The following TBCK variants were observed in gnomAD, a reference collection of about 807,000 sequenced individuals.
TBCK encodes TBC1 domain containing kinase.
Under a neutral mutation model 113.4 loss-of-function variants are expected in TBCK, and 99 were observed. That is an observed-to-expected ratio of 0.87 (90% CI 0.74 to 1.03). TBCK has a LOEUF of 1.03. TBCK is among the 50% of genes least tolerant of loss of function. The pLI is 0.00. For missense variants in TBCK, 1,045 were observed against 1,061.3 expected (o/e 0.98, Z 0.21); for synonymous variants, 369 against 370.8 (o/e 1.00, Z 0.05).
At chr4:106,270,024 C>A (rs1014350670) in intron 3 of TBCK, among the ~76,000 whole-genome samples, 4 of 152,074 alleles carry the variant, frequency 2.6e-5, no homozygotes, top group Non-Finnish European at 5.9e-5. Context: ...CAAACAGAAG[C>A]TAAATGGAGA....
chr4:106,292,204 C>T (rs1030218327), intron 3 of TBCK, among the ~76,000 whole-genome samples: 2 of 152,024 alleles, frequency 1.3e-5, no homozygotes, highest in East Asian at 1.9e-4. Flanking sequence ...ACAGAAATGC[C>T]GGCTACCTGA....
intron 2 of TBCK, among the ~76,000 whole-genome samples, chr4:106,300,551 G>A (rs1232030284): frequency 2.0e-5 from 3 of 152,128 alleles, no homozygotes; most frequent in Non-Finnish European, 4.4e-5. Flanking sequence ...ATTTCAATAA[G>A]TGTTTATACA....
chr4:106,248,582 T>C (rs1682204978), intron 8 of TBCK, among the ~76,000 whole-genome samples: 1 of 152,186 alleles, frequency 6.6e-6, no homozygotes, highest in Non-Finnish European at 1.5e-5. Flanking sequence ...TTCATGAACT[T>C]TGAAACTTAA....
At chr4:106,079,043 T>A (rs551982065) in intron 25 of TBCK, among the ~76,000 whole-genome samples, 173 of 152,262 alleles carry the variant, frequency 1.1e-3, no homozygotes, top group African/African-American at 4.1e-3. Flanking sequence ...ACCATGATCA[T>A]CTCAGTATAT....
At chr4:106,311,934 T>C (rs1245508554) in intron 1 of TBCK, among the ~76,000 whole-genome samples, 8 of 152,172 alleles carry the variant, frequency 5.3e-5, no homozygotes, top group Non-Finnish European at 1.0e-4. Context: ...AGATGGAACA[T>C]AGGCTTAAGC....
intron 25 of TBCK, among the ~76,000 whole-genome samples, chr4:106,047,744 C>T (rs1301213943): frequency 6.6e-6 from 1 of 152,110 alleles, no homozygotes; most frequent in Non-Finnish European, 1.5e-5. Context: ...CTGGATTGAA[C>T]TAAACTATGC....
intron 25 of TBCK, among the ~76,000 whole-genome samples, chr4:106,082,341 A>T (rs1212686532): frequency 6.6e-6 from 1 of 152,216 alleles, no homozygotes; most frequent in Non-Finnish European, 1.5e-5. Context: ...CAGGAACAGA[A>T]AACCAAACGC....
chr4:106,264,600 C>T (rs756414406), intron 3 of TBCK, among the ~76,000 whole-genome samples: 10 of 151,872 alleles, frequency 6.6e-5, no homozygotes, highest in Non-Finnish European at 1.5e-4. Flanking sequence ...TAATGATTAA[C>T]ACATATTTAC....
chr4:106,171,580 C>T (rs957239493), intron 22 of TBCK, among the ~76,000 whole-genome samples: 3 of 151,854 alleles, frequency 2.0e-5, no homozygotes, highest in Non-Finnish European at 2.9e-5. Flanking sequence ...ATTTAAATGC[C>T]ACAGAATAGA....
chr4:106,277,284 A>G (rs1441297557), intron 3 of TBCK, among the ~76,000 whole-genome samples: 1 of 152,204 alleles, frequency 6.6e-6, no homozygotes, highest in Non-Finnish European at 1.5e-5. Flanking sequence ...TGGTGTTTCT[A>G]TAAAATATTA....
chr4:106,286,559 T>C (rs1401182431), intron 3 of TBCK, among the ~76,000 whole-genome samples: 1 of 152,164 alleles, frequency 6.6e-6, no homozygotes, highest in South Asian at 2.1e-4. Flanking sequence ...TGGTGGCTCA[T>C]GCCTGTGCCT....
intron 25 of TBCK, among the ~76,000 whole-genome samples, chr4:106,061,000 T>C (rs1003358531): frequency 6.6e-6 from 1 of 151,612 alleles, no homozygotes; most frequent in African/African-American, 2.4e-5. Context: ...TGCAATCTCA[T>C]GATAAAACTT....
chr4:106,069,558 T>G (rs1251743795), intron 25 of TBCK, among the ~76,000 whole-genome samples: 1 of 152,228 alleles, frequency 6.6e-6, no homozygotes, highest in Non-Finnish European at 1.5e-5. Flanking sequence ...CCTTGTAGTA[T>G]AGTTTGAAGT....
At chr4:106,247,341 G>A (rs1579386271) in intron 9 of TBCK, 54 bp from the exon 10 acceptor site, 1 of 1,541,426 alleles carries the variant, frequency 6.5e-7, no homozygotes, top group South Asian at 1.1e-5. Flanking sequence ...AAATTTCCTA[G>A]AATAATGGCA....
chr4:106,316,673 C>T (rs1768923025), upstream of TBCK: 3 of 1,436,100 alleles, frequency 2.1e-6, no homozygotes, highest in Admixed American at 2.0e-5. Context: ...TAACTTGCCT[C>T]CAGGAGAGAG....
rs759315058 is a variant in TBCK, at chr4:106,041,989, G to T, written c.*4581C>A. The T allele has an allele frequency of 9.2e-5, 14 of 152,188 alleles. No homozygotes were observed. Among genetic ancestry groups the T allele is most frequent in the Non-Finnish European group, 1.5e-4 (10 of 68,036 alleles). 9.4% of individuals were successfully genotyped at this position (152,188 alleles called of 1,614,324 possible). ...ATAAAACTGGATTACAAAACCTAAA[G>T]GTTGTGTGTGAGCAATTACATACCC... On this transcript the variant is annotated 3_prime_UTR_variant, in exon 26 of 26. Transcript: ENST00000394708.
chr4:106,168,625 G>A (rs986219034), intron 23 of TBCK, among the ~76,000 whole-genome samples: 2 of 150,022 alleles, frequency 1.3e-5, no homozygotes, highest in African/African-American at 2.5e-5. Context: ...GAGCTAATAA[G>A]TAACTACAGC....
At chr4:106,151,759 T>C (rs1748516413) in intron 23 of TBCK, among the ~76,000 whole-genome samples, 1 of 152,012 alleles carries the variant, frequency 6.6e-6, no homozygotes, top group South Asian at 2.1e-4. Flanking sequence ...TCCTCTTCAA[T>C]TTCTTGTATT....
chr4:106,155,145 A>ATT (rs77812482), intron 23 of TBCK, among the ~76,000 whole-genome samples: 6,699 of 146,382 alleles, frequency 0.046, 492 homozygotes, highest in African/African-American at 0.16. Flanking sequence ...CTAGGGTAAA[A>ATT]TTTTTTTTTT....
Sources: allele counts gnomAD v4.1 joint callset (sites outside exome capture counted in the v4.1 genomes callset), GRCh38; gene constraint gnomAD v4.1.1; transcripts MANE v1.5; gene names NCBI Gene and HGNC (gene_info 2026-07-23, HGNC 2026-07-21).